Variants in GALNT17 observed in about 807,000 individuals in gnomAD.
GALNT17 encodes the protein UDP-GalNAc:polypeptide N-acetylgalactosaminyltransferase-like 3.
GALNT17 carries 29 observed loss-of-function variants against 63.7 expected under a neutral mutation model. The observed-to-expected ratio is 0.46, with a 90% CI of 0.34 to 0.62. GALNT17 has a LOEUF of 0.62. Among genes scored for constraint, GALNT17 ranks in the 20% least tolerant of loss-of-function variants. The pLI, the probability that GALNT17 is intolerant of heterozygous loss-of-function variation, is 0.01. For synonymous variants in GALNT17, 305 were observed against 318.3 expected (o/e 0.96, Z 0.45); for missense variants, 603 against 799.6 (o/e 0.75, Z 2.97).
chr7:71,183,946 G>A (rs950739491), intron 1 of GALNT17, among the ~76,000 whole-genome samples: 10 of 151,838 alleles, frequency 6.6e-5, no homozygotes, highest in African/African-American at 9.7e-5. Flanking sequence ...TCTTCACTAA[G>A]AGCTACTGTG....
intron 2 of GALNT17, among the ~76,000 whole-genome samples, chr7:71,346,572 G>C (rs902405475): frequency 6.6e-6 from 1 of 152,094 alleles, no homozygotes; most frequent in South Asian, 2.1e-4. Context: ...CAGGGACCTG[G>C]ATTCAAACCC....
At chr7:71,581,569 C>T (rs985595156) in intron 6 of GALNT17, among the ~76,000 whole-genome samples, 13 of 152,202 alleles carry the variant, frequency 8.5e-5, no homozygotes, top group South Asian at 2.1e-4. Flanking sequence ...TCCTTCAACG[C>T]GTGGGGATTA....
intron 6 of GALNT17, among the ~76,000 whole-genome samples, chr7:71,634,125 C>G (rs910613043): frequency 6.6e-6 from 1 of 152,152 alleles, no homozygotes; most frequent in South Asian, 2.1e-4. Flanking sequence ...CCCTCAGCCC[C>G]CTCCTTCCCT....
At chr7:71,470,206 C>T (rs1388727746) in intron 5 of GALNT17, among the ~76,000 whole-genome samples, 1 of 152,092 alleles carries the variant, frequency 6.6e-6, no homozygotes, top group Non-Finnish European at 1.5e-5. Flanking sequence ...GAGACTCCCT[C>T]TCAAAAAACA....
At chr7:71,679,802 C>G (rs1562733611) in intron 9 of GALNT17, among the ~76,000 whole-genome samples, 1 of 152,088 alleles carries the variant, frequency 6.6e-6, no homozygotes, top group Admixed American at 6.5e-5. Flanking sequence ...AGCTCCTGGG[C>G]CCCATCCCCA....
chr7:71,456,297 C>T lies in GALNT17; in HGVS notation c.962+35192C>T, dbSNP rs138882636. Among the ~76,000 whole-genome samples, 153 of 152,134 alleles carry T rather than the reference C, an allele frequency of 1.0e-3. 1 individual carries two copies. The highest frequency in any genetic ancestry group is 3.3e-3 in the African/African-American group (139 of 41,506). ...GTATGTGAGATGCCAGTGACCTGAC[C>T]GCCAAGTATATTGCGAGAGTCAGTG... is the stretch of plus-strand genomic sequence containing the variant. On this transcript the variant is annotated intron_variant, in intron 5 of 10. Coordinates refer to ENST00000333538, the MANE Select transcript of GALNT17 (RefSeq NM_022479.3).
intron 2 of GALNT17, among the ~76,000 whole-genome samples, chr7:71,356,071 G>C (rs1285737001): frequency 1.3e-5 from 2 of 151,618 alleles, no homozygotes; most frequent in South Asian, 2.1e-4. Context: ...TCTGCCTCCT[G>C]AGTTCAAGCG....
At chr7:71,513,673 A>C (rs950643057) in intron 5 of GALNT17, among the ~76,000 whole-genome samples, 17 of 151,396 alleles carry the variant, frequency 1.1e-4, no homozygotes, top group African/African-American at 3.9e-4. Context: ...GGTGTGAGCC[A>C]CTGCTCCCGG....
At chr7:71,398,476 C>T (rs1468738801) in intron 3 of GALNT17, among the ~76,000 whole-genome samples, 1 of 152,104 alleles carries the variant, frequency 6.6e-6, no homozygotes, top group South Asian at 2.1e-4. Flanking sequence ...TTATTGGAAG[C>T]AATATGTTTT....
At chr7:71,484,456 C>A (rs556509146) in intron 5 of GALNT17, among the ~76,000 whole-genome samples, 14 of 152,198 alleles carry the variant, frequency 9.2e-5, no homozygotes, top group African/African-American at 3.4e-4. Flanking sequence ...CTACTGCACT[C>A]CAGTCTGGGT....
intron 6 of GALNT17, among the ~76,000 whole-genome samples, chr7:71,589,517 AG>A (rs1318259686): frequency 6.6e-6 from 1 of 151,960 alleles, no homozygotes. Context: ...AGCTGCAGTG[AG>A]CTATAATCAT....
intron 1 of GALNT17, among the ~76,000 whole-genome samples, chr7:71,147,724 C>T (rs1027950315): frequency 6.6e-6 from 1 of 152,020 alleles, no homozygotes; most frequent in African/African-American, 2.4e-5. Flanking sequence ...CTCCACCTCC[C>T]AGGTTCCATC....
At chr7:71,611,580 C>A (rs149025658) in intron 6 of GALNT17, among the ~76,000 whole-genome samples, 1 of 152,254 alleles carries the variant, frequency 6.6e-6, no homozygotes, top group East Asian at 1.9e-4. Flanking sequence ...CTGGAGCACA[C>A]AAATCCAAGA....
At chr7:71,373,596 A>G (rs1270836570) in intron 2 of GALNT17, among the ~76,000 whole-genome samples, 1 of 152,036 alleles carries the variant, frequency 6.6e-6, no homozygotes, top group African/African-American at 2.4e-5. Flanking sequence ...CCCATCCCTC[A>G]CTTGAGCTCT....
intron 5 of GALNT17, among the ~76,000 whole-genome samples, chr7:71,565,527 C>T (rs1789328997): frequency 7.1e-6 from 1 of 140,888 alleles, no homozygotes; most frequent in Non-Finnish European, 1.5e-5. Flanking sequence ...AGTTAGAGCA[C>T]ACTCCCCTGA....
At chr7:71,608,756 A>G (rs2116948379) in intron 6 of GALNT17, among the ~76,000 whole-genome samples, 1 of 152,102 alleles carries the variant, frequency 6.6e-6, no homozygotes, top group Middle Eastern at 3.4e-3. Context: ...GCAACTGGAG[A>G]TGAACTGGGA....
chr7:71,304,432 G>A (rs748552878), intron 1 of GALNT17, among the ~76,000 whole-genome samples: 51 of 152,258 alleles, frequency 3.3e-4, no homozygotes, highest in African/African-American at 9.9e-4. Context: ...GTAAATTACC[G>A]TATGATCTTA....
chr7:71,325,584 T>A (rs1308423910), intron 1 of GALNT17, among the ~76,000 whole-genome samples: 1 of 152,202 alleles, frequency 6.6e-6, no homozygotes, highest in Non-Finnish European at 1.5e-5. Flanking sequence ...GAAAATCATG[T>A]CCTCATTTGT....
At chr7:71,322,677 C>T (rs1395272237) in intron 1 of GALNT17, among the ~76,000 whole-genome samples, 3 of 152,162 alleles carry the variant, frequency 2.0e-5, no homozygotes, top group Admixed American at 6.5e-5. Flanking sequence ...GGAGATGAGG[C>T]CTTTCGGAGG....
Sources: gnomAD v4.1 joint callset for allele counts (sites outside exome capture counted in the v4.1 genomes callset) on GRCh38, gnomAD v4.1.1 for gene constraint, MANE v1.5 for transcripts, NCBI Gene and HGNC (gene_info 2026-07-23, HGNC 2026-07-21) for gene names.